The following PRUNE2 variants were observed in gnomAD, a reference collection of about 807,000 sequenced individuals.
PRUNE2 encodes prune homolog 2 with BCH domain.
PRUNE2 carries 164 observed loss-of-function variants against 252.0 expected under a neutral mutation model. The ratio of observed to expected loss-of-function variants is 0.65; its 90% confidence interval spans 0.57 to 0.74. The LOEUF is 0.74. Ranked by LOEUF, PRUNE2 falls within the 30% of genes least tolerant of loss-of-function variation. PRUNE2 has a pLI of 0.00. For synonymous variants in PRUNE2, 1,292 were observed against 1,350.2 expected (o/e 0.96, Z 0.94); for missense variants, 3,495 against 3,711.0 (o/e 0.94, Z 1.51).
At chr9:76,737,921 T>C (rs988206216) in intron 6 of PRUNE2, 1 of 152,246 alleles carries the variant, frequency 6.6e-6, no homozygotes, top group Admixed American at 6.5e-5. Context: ...CATATTTGCA[T>C]GCATTATTTA....
chr9:76,728,108 C>G (rs1182135746), intron 6 of PRUNE2, among the ~76,000 whole-genome samples: 1 of 152,024 alleles, frequency 6.6e-6, no homozygotes. Flanking sequence ...TAAAATATGG[C>G]AGATATTTGA....
intron 6 of PRUNE2, among the ~76,000 whole-genome samples, chr9:76,803,524 G>T (rs2056712235): frequency 6.6e-6 from 1 of 152,018 alleles, no homozygotes; most frequent in African/African-American, 2.4e-5. Context: ...AACTCCCCAG[G>T]CATTTCAGTT....
Position 76,748,264 on chromosome 9 carries a change from A to G in PRUNE2, c.757-34543T>C, listed in dbSNP as rs145593134. 2.0e-3 allele frequency among the ~76,000 whole-genome samples: 304 copies of G among 152,320 alleles called. 1 individual carries two copies. Among genetic ancestry groups the G allele is most frequent in the African/African-American group, 7.2e-3 (299 of 41,572 alleles). On this transcript the variant is annotated intron_variant, in intron 6 of 18. Transcript: ENST00000376718. ...TGCAAAATCCTTTATTTTTTCAACC[A>G]AATGTTGAGGTTCTATCATGTTTGC...
In PRUNE2 at chr9:76,705,045, G is replaced by C; in HGVS notation, c.7229C>G (p.Thr2410Arg). 2 of 1,613,990 alleles carry C rather than the reference G, an allele frequency of 1.2e-6. No individual in the cohort carries two copies. The highest frequency in any genetic ancestry group is 2.2e-5 in the South Asian group (2 of 91,082). Residue 2410 changes from threonine to arginine, a missense_variant, in exon 8 of 19, where the codon ACA becomes AGA. Coordinates refer to ENST00000376718, the MANE Select transcript of PRUNE2 (RefSeq NM_015225.3). Reference sequence around the variant, plus strand: ...CTCTGGAGACCCAGCTTCCTCTATTGTTTCAGCACTCTGGGCAGGTTCTGT... The same window carrying C: ...CTCTGGAGACCCAGCTTCCTCTATTCTTTCAGCACTCTGGGCAGGTTCTGT... Reference protein sequence around the residue: ...YLTEPAQSAETIEEAGSPEDE... With the variant: ...YLTEPAQSAERIEEAGSPEDE...
At chr9:76,846,223 A>G (rs1366123583) in intron 4 of PRUNE2, among the ~76,000 whole-genome samples, 1 of 152,198 alleles carries the variant, frequency 6.6e-6, no homozygotes, top group Non-Finnish European at 1.5e-5. Context: ...AGTGATTAAA[A>G]TTGCCAGAGG....
At chr9:76,774,459 T>TTATTTATTTATTTATTTA (rs2053502173) in intron 6 of PRUNE2, among the ~76,000 whole-genome samples, 1 of 139,036 alleles carries the variant, frequency 7.2e-6, no homozygotes. Flanking sequence ...CCTTTTTTTT[T>TTATTTATTTATTTATTTA]TTTTTTTTTT....
intron 9 of PRUNE2, among the ~76,000 whole-genome samples, chr9:76,702,348 G>A (rs184741052): frequency 6.6e-5 from 10 of 152,228 alleles, no homozygotes; most frequent in African/African-American, 2.2e-4. Flanking sequence ...ATGAACCACC[G>A]CACCTGGCCG....
intron 6 of PRUNE2, among the ~76,000 whole-genome samples, chr9:76,813,105 A>T (rs1363045760): frequency 2.0e-5 from 3 of 152,184 alleles, no homozygotes; most frequent in African/African-American, 7.2e-5. Context: ...ATCTGTTTTG[A>T]TGATGTCTTG....
intron 5 of PRUNE2, among the ~76,000 whole-genome samples, chr9:76,824,329 A>C (rs1457173564): frequency 1.3e-5 from 2 of 152,160 alleles, no homozygotes; most frequent in African/African-American, 2.4e-5. Context: ...ATCACCATGC[A>C]AACTAGTTAA....
At chr9:76,657,973 CCT>C (rs1306552428) in intron 9 of PRUNE2, among the ~76,000 whole-genome samples, 1 of 152,116 alleles carries the variant, frequency 6.6e-6, no homozygotes, top group Non-Finnish European at 1.5e-5. Flanking sequence ...ATTTCTTCCC[CCT>C]GTGTTAGCAT....
intron 3 of PRUNE2, among the ~76,000 whole-genome samples, chr9:76,847,427 A>C (rs776860113): frequency 6.6e-6 from 1 of 152,144 alleles, no homozygotes; most frequent in Non-Finnish European, 1.5e-5. Context: ...AGTTTTTTTT[A>C]ATACAATTTA....
At chr9:76,891,362 A>C (rs935852484) in intron 1 of PRUNE2, among the ~76,000 whole-genome samples, 1 of 152,210 alleles carries the variant, frequency 6.6e-6, no homozygotes, top group African/African-American at 2.4e-5. Context: ...ACATCCAGTC[A>C]CCTGTTGTCC....
intron 16 of PRUNE2, among the ~76,000 whole-genome samples, chr9:76,628,681 A>C (rs537886794): frequency 1.3e-5 from 2 of 152,204 alleles, no homozygotes; most frequent in Non-Finnish European, 2.9e-5. Flanking sequence ...AAATAACCCC[A>C]GGAAAAGATT....
chr9:76,905,527 C>T (rs1660380299), intron 1 of PRUNE2, among the ~76,000 whole-genome samples: 1 of 152,208 alleles, frequency 6.6e-6, no homozygotes, highest in South Asian at 2.1e-4. Flanking sequence ...AGCTGAAGTA[C>T]AGTTCTAAGG....
chr9:76,670,261 T>A (rs1264638598), intron 9 of PRUNE2, among the ~76,000 whole-genome samples: 1 of 151,906 alleles, frequency 6.6e-6, no homozygotes, highest in Admixed American at 6.5e-5. Context: ...GTCAGGGAGT[T>A]CCCTTTCTGA....
At chr9:76,836,134 T>C (rs2000288) in intron 4 of PRUNE2, among the ~76,000 whole-genome samples, 59,499 of 151,122 alleles carry the variant, frequency 0.39, 12,527 homozygotes, top group African/African-American at 0.54. Context: ...TGTGCACGCA[T>C]ACAATCCCCA....
intron 9 of PRUNE2, among the ~76,000 whole-genome samples, chr9:76,674,278 C>T (rs1246736474): frequency 6.6e-6 from 1 of 152,156 alleles, no homozygotes; most frequent in Non-Finnish European, 1.5e-5. Flanking sequence ...AACAGAGAGC[C>T]AAATCATGAG....
intron 6 of PRUNE2, among the ~76,000 whole-genome samples, chr9:76,796,580 C>G (rs2056110082): frequency 6.6e-6 from 1 of 152,184 alleles, no homozygotes; most frequent in Non-Finnish European, 1.5e-5. Context: ...AATGGGTAGA[C>G]TGAAAGAATG....
chr9:76,823,531 G>A (rs1466038248), intron 6 of PRUNE2, 101 bp downstream of exon 6: 4 of 714,854 alleles, frequency 5.6e-6, no homozygotes, highest in Non-Finnish European at 1.0e-5. Flanking sequence ...AAGAAGCAAA[G>A]GACTATCATG....
Sources: gnomAD v4.1 joint callset for allele counts (sites outside exome capture counted in the v4.1 genomes callset) on GRCh38, gnomAD v4.1.1 for gene constraint, MANE v1.5 for transcripts, NCBI Gene and HGNC (gene_info 2026-07-23, HGNC 2026-07-21) for gene names.